DPH6: variants seen among roughly 807,000 people sequenced by gnomAD.
DPH6 encodes diphthine--ammonia ligase.
A neutral mutation model predicts 38.2 loss-of-function variants in DPH6; 33 were observed. The ratio of observed to expected loss-of-function variants is 0.86; its 90% CI spans 0.65 to 1.15. DPH6 has a LOEUF of 1.15. Among genes scored for constraint, DPH6 ranks in the 50% most tolerant of loss-of-function variants. The pLI is 0.00. For synonymous variants in DPH6, 108 were observed against 103.0 expected (o/e 1.05, Z -0.30); for missense variants, 325 against 320.0 (o/e 1.02, Z -0.12).
intron 3 of DPH6, among the ~76,000 whole-genome samples, chr15:35,301,379 T>C (rs117955028): frequency 0.047 from 7,170 of 152,312 alleles, 218 homozygotes; most frequent in Non-Finnish European, 0.069. Context: ...TCTGGCTTTA[T>C]TTAGCTAAGT....
intron 3 of DPH6, among the ~76,000 whole-genome samples, chr15:35,353,145 ATTTG>A (rs1340315958): frequency 6.6e-6 from 1 of 151,878 alleles, no homozygotes; most frequent in Non-Finnish European, 1.5e-5. Flanking sequence ...TTTCTTGTAA[ATTTG>A]TTTGAGTTCA....
intron 5 of DPH6, among the ~76,000 whole-genome samples, chr15:35,424,937 T>G (rs1285708605): frequency 6.6e-6 from 1 of 151,588 alleles, no homozygotes; most frequent in Non-Finnish European, 1.5e-5. Flanking sequence ...ACAGGAAACT[T>G]TGGAGAACCC....
intron 3 of DPH6, among the ~76,000 whole-genome samples, chr15:35,535,502 G>A (rs1170395302): frequency 1.3e-5 from 2 of 152,126 alleles, no homozygotes; most frequent in East Asian, 1.9e-4. Context: ...CAGCAGAACA[G>A]AAAGAATATA....
At chr15:35,353,196 T>A (rs1022695313) in intron 3 of DPH6, among the ~76,000 whole-genome samples, 1 of 152,148 alleles carries the variant, frequency 6.6e-6, no homozygotes, top group Non-Finnish European at 1.5e-5. Context: ...GTCAGATGAG[T>A]AGATTGCAAA....
At chr15:35,464,583 A>G (rs1260796569) in intron 3 of DPH6, among the ~76,000 whole-genome samples, 2 of 152,206 alleles carry the variant, frequency 1.3e-5, no homozygotes, top group African/African-American at 4.8e-5. Context: ...ATCTGGTTCT[A>G]AAAAGATATA....
At chr15:35,298,866 C>G in intron 3 of DPH6, 2 of 1,002,154 alleles carry the variant, frequency 2.0e-6, no homozygotes, top group Non-Finnish European at 3.2e-6. Context: ...GTCTTGAGTC[C>G]TCTTCATAAG....
intron 3 of DPH6, chr15:35,237,811 C>T: frequency 3.8e-6 from 6 of 1,580,740 alleles, no homozygotes; most frequent in Non-Finnish European, 5.2e-6. Context: ...ATGCTGAGGG[C>T]TACGTGGAGG....
At chr15:35,314,174 G>A (rs1463338969) in intron 3 of DPH6, among the ~76,000 whole-genome samples, 1 of 151,688 alleles carries the variant, frequency 6.6e-6, no homozygotes, top group Non-Finnish European at 1.5e-5. Context: ...ACATACAAAT[G>A]GTCAACAAAT....
chr15:35,336,003 T>C (rs1410549144), intron 3 of DPH6, among the ~76,000 whole-genome samples: 3 of 152,248 alleles, frequency 2.0e-5, no homozygotes, highest in African/African-American at 7.2e-5. Flanking sequence ...TATTGATTCT[T>C]CCTATCCATG....
chr15:35,290,335 T>C (rs2051972023), intron 3 of DPH6, among the ~76,000 whole-genome samples: 1 of 152,192 alleles, frequency 6.6e-6, no homozygotes, highest in Admixed American at 6.5e-5. Flanking sequence ...ACATCATTTC[T>C]GCAAAGGCAC....
At chr15:35,276,674 A>C (rs2051861270) in intron 3 of DPH6, among the ~76,000 whole-genome samples, 1 of 152,134 alleles carries the variant, frequency 6.6e-6, no homozygotes, top group African/African-American at 2.4e-5. Flanking sequence ...ATCCCAGCAC[A>C]ATTTGTTGAA....
chr15:35,267,300 A>C (rs750129651), intron 3 of DPH6, among the ~76,000 whole-genome samples: 8 of 152,174 alleles, frequency 5.3e-5, no homozygotes, highest in Non-Finnish European at 1.0e-4. Context: ...GTGTGCCAAA[A>C]GGTCACACAC....
rs1333871187 is a variant in DPH6 at position 35,546,118 on chromosome 15, C to T, written c.23+1G>A. The stretch of plus-strand genomic sequence containing the variant: ...AGGAGGCGGCTCCAGGACCGCATTA[C>T]CTGATCAGAGCCGCGACCCTCATGC... On this transcript the variant is annotated splice_donor_variant, in intron 1 of 8. Coordinates refer to ENST00000256538, the MANE Select transcript of DPH6 (RefSeq NM_080650.4). LOFTEE classifies it high-confidence loss of function. 2.8e-6 allele frequency: 4 copies of T among 1,409,592 alleles called. No individual in the cohort carries two copies. The highest frequency in any genetic ancestry group is 2.5e-5 in the Admixed American group (1 of 39,742). 87.3% of individuals were successfully genotyped at this position (1,409,592 alleles called of 1,614,324 possible). A position where few individuals can be genotyped will look rare whatever the true frequency, so the allele number is the denominator to read the frequency against.
At position 35,514,042 on chromosome 15, in the gene DPH6, CA is replaced by C. The variant is rs146602142; in HGVS notation, c.312+24231del. Among the ~76,000 whole-genome samples, 472 of 152,086 alleles carry C rather than the reference CA, an allele frequency of 3.1e-3. 3 individuals carry two copies. The East Asian group carries it at 0.035, about 11-fold the overall frequency. The stretch of plus-strand genomic sequence containing the variant: ...AGTAAAGGGTTGGAAACTTTATAGT[CA>C]CACTAAATTTGTTATATAAAACCAG... On this transcript the variant is annotated intron_variant, in intron 3 of 8. Coordinates refer to ENST00000256538, the MANE Select transcript of DPH6 (RefSeq NM_080650.4).
rs559249957 is a variant in DPH6, at chr15:35,331,301, C to T, written n.208-224G>A. 3.3e-4 allele frequency among the ~76,000 whole-genome samples: 50 copies of T among 152,208 alleles called. No homozygotes were observed. In the South Asian group the frequency reaches 1.0e-2, roughly 30 times the overall value. On this transcript the variant is annotated intron_variant and non_coding_transcript_variant, in intron 3 of 3. Transcript: ENST00000558973. ...GAAGGTAAACATACAGTAACAAATG[C>T]TGTTTAAATGATCTCAAAGTTCAAG...
At chr15:35,274,634 T>C (rs1484906337) in intron 3 of DPH6, among the ~76,000 whole-genome samples, 1 of 151,432 alleles carries the variant, frequency 6.6e-6, no homozygotes, top group Non-Finnish European at 1.5e-5. Flanking sequence ...AACAAACATA[T>C]GAAAGAAAGC....
chr15:35,279,068 A>AAAAATAT (rs1555390826), intron 3 of DPH6, among the ~76,000 whole-genome samples: 28 of 102,960 alleles, frequency 2.7e-4, no homozygotes, highest in East Asian at 1.1e-3. Context: ...AAAAAAAAAA[A>AAAAATAT]ATATATATAT....
At chr15:35,490,689 G>A (rs1432972742) in intron 3 of DPH6, among the ~76,000 whole-genome samples, 1 of 152,142 alleles carries the variant, frequency 6.6e-6, no homozygotes, top group Non-Finnish European at 1.5e-5. Flanking sequence ...AAAATGTTGA[G>A]CCATCTTTCC....
chr15:35,512,540 T>A (rs1024466269), intron 3 of DPH6, among the ~76,000 whole-genome samples: 5 of 152,102 alleles, frequency 3.3e-5, no homozygotes, highest in African/African-American at 4.8e-5. Flanking sequence ...AACTGACTTC[T>A]CACAATAAGG....
Sources: gnomAD v4.1 joint callset for allele counts (sites outside exome capture counted in the v4.1 genomes callset) on GRCh38, gnomAD v4.1.1 for gene constraint, MANE v1.5 for transcripts, NCBI Gene and HGNC (gene_info 2026-07-23, HGNC 2026-07-21) for gene names.